The following TBC1D4 variants were observed in gnomAD, a reference collection of about 807,000 sequenced individuals.
TBC1D4 encodes the protein TBC (Tre-2, BUB2, CDC16) domain-containing protein.
TBC1D4 carries 121 observed loss-of-function variants against 142.5 expected under a neutral mutation model. The ratio of observed to expected loss-of-function variants is 0.85; its 90% CI spans 0.73 to 0.99. The LOEUF (loss-of-function observed/expected upper bound fraction) is 0.99. Among genes scored for constraint, TBC1D4 ranks in the 50% least tolerant of loss-of-function variants. The pLI is 0.00. For synonymous variants in TBC1D4, 630 were observed against 628.2 expected (o/e 1.00, Z -0.04); for missense variants, 1,475 against 1,606.6 (o/e 0.92, Z 1.40).
intron 1 of TBC1D4, among the ~76,000 whole-genome samples, chr13:75,458,839 T>C (rs1887845620): frequency 6.6e-6 from 1 of 152,118 alleles, no homozygotes; most frequent in Non-Finnish European, 1.5e-5. Flanking sequence ...AGTGGCTATG[T>C]GCTCTCCTGG....
intron 1 of TBC1D4, among the ~76,000 whole-genome samples, chr13:75,416,140 T>C (rs76733289): frequency 0.02 from 3,065 of 152,312 alleles, 97 homozygotes; most frequent in African/African-American, 0.069. Context: ...ATTCTTTCCT[T>C]TATTATTTTA....
intron 1 of TBC1D4, among the ~76,000 whole-genome samples, chr13:75,374,941 C>T (rs1883420264): frequency 6.6e-6 from 1 of 152,170 alleles, no homozygotes; most frequent in South Asian, 2.1e-4. Flanking sequence ...TCCCCCAGGT[C>T]CAATCTTCCC....
intron 1 of TBC1D4, among the ~76,000 whole-genome samples, chr13:75,383,402 T>C (rs1302340620): frequency 2.0e-5 from 3 of 152,222 alleles, no homozygotes; most frequent in African/African-American, 7.2e-5. Flanking sequence ...ACCTCAACCG[T>C]GGCTATAGTA....
intron 11 of TBC1D4, among the ~76,000 whole-genome samples, chr13:75,322,948 G>A (rs1468680886): frequency 1.3e-5 from 2 of 151,920 alleles, no homozygotes; most frequent in African/African-American, 4.8e-5. Flanking sequence ...TTCACTGTTG[G>A]AACATGACTT....
At chr13:75,337,916 T>C (rs1342555109) in intron 7 of TBC1D4, among the ~76,000 whole-genome samples, 1 of 152,130 alleles carries the variant, frequency 6.6e-6, no homozygotes, top group Non-Finnish European at 1.5e-5. Context: ...TTACTTTTAA[T>C]GGCAAAAACT....
At chr13:75,371,465 G>A (rs576627724) in intron 1 of TBC1D4, among the ~76,000 whole-genome samples, 30 of 152,338 alleles carry the variant, frequency 2.0e-4, no homozygotes. Context: ...GCAGATGGGT[G>A]ATGGGAGTTT....
At chr13:75,444,542 A>T (rs1593892497) in intron 1 of TBC1D4, among the ~76,000 whole-genome samples, 1 of 152,372 alleles carries the variant, frequency 6.6e-6, no homozygotes, top group Admixed American at 6.5e-5. Flanking sequence ...TCACATTATA[A>T]ATAAGACATT....
chr13:75,355,141 C>T (rs963296460), intron 4 of TBC1D4, among the ~76,000 whole-genome samples: 6 of 152,142 alleles, frequency 3.9e-5, no homozygotes, highest in Admixed American at 3.3e-4. Flanking sequence ...ATGTGGAAGG[C>T]GAGAGTCGGG....
At chr13:75,367,028 G>T in intron 1 of TBC1D4, 6 of 969,256 alleles carry the variant, frequency 6.2e-6, no homozygotes, top group Non-Finnish European at 7.4e-6. Context: ...ATAAGCTGGC[G>T]GTATTTTCAT....
intron 1 of TBC1D4, among the ~76,000 whole-genome samples, chr13:75,390,277 C>CAAA (rs36168056): frequency 0.052 from 5,831 of 112,188 alleles, 361 homozygotes; most frequent in South Asian, 0.074. Flanking sequence ...GAGACTCCGT[C>CAAA]AAAAAAAAAA....
intron 5 of TBC1D4, among the ~76,000 whole-genome samples, chr13:75,348,581 G>A (rs1374180722): frequency 6.6e-6 from 1 of 152,124 alleles, no homozygotes; most frequent in East Asian, 1.9e-4. Flanking sequence ...AAAGGAAGTT[G>A]AGTCACAGGA....
intron 12 of TBC1D4, among the ~76,000 whole-genome samples, chr13:75,313,156 C>G (rs1451403257): frequency 6.6e-6 from 1 of 152,190 alleles, no homozygotes; most frequent in Non-Finnish European, 1.5e-5. Context: ...AGTCCTAGTT[C>G]TAATCTGAGG....
chr13:75,366,608 C>G (rs1882925190), intron 1 of TBC1D4, among the ~76,000 whole-genome samples: 1 of 151,872 alleles, frequency 6.6e-6, no homozygotes, highest in African/African-American at 2.4e-5. Flanking sequence ...GTTGTTACAC[C>G]TTCAGTGACC....
chr13:75,362,607 C>T lies in TBC1D4; in HGVS notation c.499G>A (p.Val167Ile), dbSNP rs1593793385. 6.2e-7 allele frequency: 1 copy of T among 1,613,692 alleles called. No individual in the cohort carries two copies. Among genetic ancestry groups the T allele is most frequent in the Middle Eastern group, 1.6e-4 (1 of 6,062 alleles). The change falls in exon 2 of 21, where the codon GTT (valine) becomes ATT (isoleucine). Residue 167 changes from valine (V) to isoleucine (I), a missense_variant and splice_region_variant. This residue lies in a region of TBC1D4 where 1,227 missense variants were observed against 1,267.7 expected (regional missense o/e 0.97). Coordinates refer to ENST00000377636, the MANE Select transcript of TBC1D4 (RefSeq NM_014832.5). This position sits in a 1 kb window ranked among gnomAD's most constrained non-coding sequence, Gnocchi z 4.2. Reference protein sequence around the residue: ...HVFRATDPSQVPDVISSIRQL... With the variant: ...HVFRATDPSQIPDVISSIRQL... ...CTTATGCTGCTAATAACATCAGGAACCTGGGGGAAAAAATTAAAACCCTGA... is the reference window on the plus strand; with the variant it reads ...CTTATGCTGCTAATAACATCAGGAATCTGGGGGAAAAAATTAAAACCCTGA...
At chr13:75,305,569 T>C (rs1877097103) in intron 15 of TBC1D4, among the ~76,000 whole-genome samples, 2 of 152,254 alleles carry the variant, frequency 1.3e-5, no homozygotes, top group Admixed American at 1.3e-4. Context: ...TATCTTAATT[T>C]AAACTTAACT....
chr13:75,286,876 C>T lies in TBC1D4; in HGVS notation c.3813G>A (p.Ala1271=), dbSNP rs746266897. Residue 1271 remains alanine, a synonymous_variant, in exon 21 of 21, where the codon GCG becomes GCA. Coordinates refer to ENST00000377636, the MANE Select transcript of TBC1D4 (RefSeq NM_014832.5). Reference sequence around the variant, plus strand: ...ACAGGTCACAATTGACTAGAGCATCCGCGGGCAGCAGCTTCCGGAGTTGCT... The same window carrying T: ...ACAGGTCACAATTGACTAGAGCATCTGCGGGCAGCAGCTTCCGGAGTTGCT... ...TVEQLRKLLP[A]DALVNCDLLL... The T allele has an allele frequency of 2.1e-5, 34 of 1,613,788 alleles. No individual in the cohort carries two copies. Among genetic ancestry groups the T allele is most frequent in the South Asian group, 7.7e-5 (7 of 91,084 alleles).
intron 15 of TBC1D4, among the ~76,000 whole-genome samples, chr13:75,303,525 G>A (rs1017835665): frequency 6.6e-6 from 1 of 152,144 alleles, no homozygotes; most frequent in African/African-American, 2.4e-5. Flanking sequence ...AGCACTGGGA[G>A]GGACAGAATT....
rs1345766063 is a variant in TBC1D4 at position 75,404,063 on chromosome 13, T to TACACACACACACACAC, written c.499-41472_499-41457dup. Among the ~76,000 whole-genome samples, 1,460 of 149,058 alleles carry TACACACACACACACAC rather than the reference T, an allele frequency of 9.8e-3. 13 individuals carry two copies. Among genetic ancestry groups the TACACACACACACACAC allele is most frequent in the African/African-American group, 0.021 (831 of 39,424 alleles). On this transcript the variant is annotated intron_variant, in intron 1 of 20. Transcript: ENST00000377636. ...CTTTTGTAGGGGGGATATATATACA[T>TACACACACACACACAC]ACACACACACACACACACACACACA... is the stretch of plus-strand genomic sequence containing the variant.
At chr13:75,374,789 G>A (rs1031679257) in intron 1 of TBC1D4, among the ~76,000 whole-genome samples, 5 of 152,060 alleles carry the variant, frequency 3.3e-5, no homozygotes, top group African/African-American at 9.7e-5. Context: ...CACATGGACT[G>A]CTTTCAAGAA....
Sources: gnomAD v4.1 joint callset for allele counts (sites outside exome capture counted in the v4.1 genomes callset) on GRCh38, gnomAD v4.1.1 for gene constraint, gnomAD v4.1.1 regional missense constraint, Gnocchi (gnomAD v3.1) non-coding constraint, MANE v1.5 for transcripts, NCBI Gene and HGNC (gene_info 2026-07-23, HGNC 2026-07-21) for gene names.